Variants in NUDT21 observed in about 807,000 individuals in gnomAD.
The protein encoded by NUDT21 is cleavage and polyadenylation specificity factor subunit 5.
NUDT21 carries 5 observed loss-of-function variants against 29.8 expected under a neutral mutation model. That is an observed-to-expected ratio of 0.17 (90% CI 0.09 to 0.35). NUDT21 has a LOEUF of 0.35. NUDT21 is among the 10% of genes least tolerant of loss of function. NUDT21 has a pLI of 1.00. For missense variants in NUDT21, 76 were observed against 276.0 expected (o/e 0.28, Z 5.13); for synonymous variants, 113 against 98.5 (o/e 1.15, Z -0.87).
intron 4 of NUDT21, 162 bp downstream of exon 4, chr16:56,439,495 T>A (rs1962138070): frequency 1.5e-6 from 1 of 659,312 alleles, no homozygotes; most frequent in Non-Finnish European, 2.7e-6. Flanking sequence ...TTTTACATTT[T>A]CCTTTAAAAT....
intron 2 of NUDT21, 93 bp from the exon 3 acceptor site, chr16:56,446,782 A>C: frequency 1.3e-6 from 1 of 752,630 alleles, no homozygotes; most frequent in Non-Finnish European, 2.2e-6. Flanking sequence ...AGTCACTAAG[A>C]ACATATTTCA....
chr16:56,450,109 C>T (rs951432109), intron 1 of NUDT21, among the ~76,000 whole-genome samples: 1 of 152,148 alleles, frequency 6.6e-6, no homozygotes, highest in Non-Finnish European at 1.5e-5. Context: ...ACCTAAACTG[C>T]CTTACGAAAA....
intron 1 of NUDT21, among the ~76,000 whole-genome samples, chr16:56,449,921 T>C (rs1962265221): frequency 6.6e-6 from 1 of 152,192 alleles, no homozygotes; most frequent in Non-Finnish European, 1.5e-5. Context: ...AGAACTTTTA[T>C]ACACACAACT....
At chr16:56,438,796 A>G (rs1419822618) in intron 4 of NUDT21, among the ~76,000 whole-genome samples, 3 of 149,136 alleles carry the variant, frequency 2.0e-5, no homozygotes, top group Admixed American at 6.7e-5. Flanking sequence ...AAACACAAGG[A>G]AAAAAAAAAG....
chr16:56,434,401 A>G lies in NUDT21; in HGVS notation c.592T>C (p.Leu198=), dbSNP rs150239589. ...GGTGCATTGTCATACAATTCAAACAATGGTGCAGCTACCAGCTTGTAATTT... is the reference window on the plus strand; with the variant it reads ...GGTGCATTGTCATACAATTCAAACAGTGGTGCAGCTACCAGCTTGTAATTT... ...PKNYKLVAAP[L]FELYDNAPGY... The change falls in exon 6 of 7, where the codon TTG becomes CTG. Residue 198 remains leucine (L), a synonymous_variant. Coordinates refer to ENST00000300291, the MANE Select transcript of NUDT21 (RefSeq NM_007006.3). 276 of 1,613,814 alleles carry G rather than the reference A, an allele frequency of 1.7e-4. 2 individuals are homozygous for G. The African/African-American group carries it at 2.6e-3, about 15-fold the overall frequency.
intron 4 of NUDT21, among the ~76,000 whole-genome samples, chr16:56,435,470 T>C (rs774427316): frequency 2.0e-5 from 3 of 151,100 alleles, no homozygotes; most frequent in Middle Eastern, 3.4e-3. Context: ...CTCACGCCTG[T>C]AATCGCAGCA....
At chr16:56,446,782 A>T (rs1962224207) in intron 2 of NUDT21, 93 bp from the exon 3 acceptor site, 1 of 752,512 alleles carries the variant, frequency 1.3e-6, no homozygotes, top group African/African-American at 1.8e-5. Flanking sequence ...AGTCACTAAG[A>T]ACATATTTCA....
chr16:56,429,825 A>G lies in NUDT21; in HGVS notation c.*2887T>C, dbSNP rs1193749445. 2 of 152,230 alleles carry G rather than the reference A, an allele frequency of 1.3e-5. No individual in the cohort carries two copies. The allele number at this position is 152,230 out of a possible 1,614,324, so 9.4% of individuals were successfully genotyped here. The stretch of plus-strand genomic sequence containing the variant: ...CCAAACACTATGAACTAGTAAAAAC[A>G]TTAAGTTTGAGGATGGAAAAGCTAC... On this transcript the variant is annotated 3_prime_UTR_variant, in exon 7 of 7. Transcript: ENST00000300291.
chr16:56,442,779 G>T (rs1962174027), intron 3 of NUDT21, among the ~76,000 whole-genome samples: 1 of 152,086 alleles, frequency 6.6e-6, no homozygotes, highest in South Asian at 2.1e-4. Context: ...CTTCTAGAAT[G>T]ACCCACTAAT....
chr16:56,444,683 C>CCA (rs1386057367), intron 3 of NUDT21, among the ~76,000 whole-genome samples: 1 of 151,572 alleles, frequency 6.6e-6, no homozygotes, highest in Non-Finnish European at 1.5e-5. Flanking sequence ...GTCCAAGAGT[C>CCA]TGACTATTCA....
At position 56,434,423 on chromosome 16, in the gene NUDT21, A is replaced by G. The variant is rs1279013888; in HGVS notation, c.570T>C (p.Asn190=). The change falls in exon 6 of 7, where the codon AAT becomes AAC. Residue 190 remains asparagine (N), a synonymous_variant. Coordinates refer to ENST00000300291, the MANE Select transcript of NUDT21 (RefSeq NM_007006.3). The part of the protein sequence containing the change: ...QEKALFAVPK[N]YKLVAAPLFE... ...ACAATGGTGCAGCTACCAGCTTGTA[A>G]TTTTTAGGGACTGCAAACAAGGCTA... 3.1e-6 allele frequency: 5 copies of G among 1,611,876 alleles called. No homozygotes were observed. Among genetic ancestry groups the G allele is most frequent in the East Asian group, 4.5e-5 (2 of 44,816 alleles).
intron 3 of NUDT21, chr16:56,446,376 G>A: frequency 2.6e-6 from 1 of 381,058 alleles, no homozygotes; most frequent in Non-Finnish European, 4.7e-6. Flanking sequence ...ACTCAGAACA[G>A]TGTCTAGCAC....
intron 3 of NUDT21, among the ~76,000 whole-genome samples, chr16:56,440,595 T>C (rs559513159): frequency 6.6e-6 from 1 of 152,318 alleles, no homozygotes; most frequent in South Asian, 2.1e-4. Flanking sequence ...ATTGAAGTTA[T>C]GAGCTTTTGG....
At chr16:56,439,528 G>A (rs1962138351) in intron 4 of NUDT21, 129 bp downstream of exon 4, 3 of 725,656 alleles carry the variant, frequency 4.1e-6, no homozygotes, top group African/African-American at 3.5e-5. Context: ...GCTTAATTTT[G>A]TAATTTAAAT....
intron 4 of NUDT21, among the ~76,000 whole-genome samples, chr16:56,437,382 C>T (rs1196124304): frequency 6.6e-6 from 1 of 152,198 alleles, no homozygotes; most frequent in Non-Finnish European, 1.5e-5. Context: ...AACATCATCA[C>T]TCATTATCAT....
At position 56,431,550 on chromosome 16, in the gene NUDT21, C is replaced by A. The variant is rs1962033660; in HGVS notation, c.*1162G>T. ...CAAAAGTTCATTTCTATTAAAAACC[C>A]TTTTTTCCTTAAGTAGCTACATCTG... On this transcript the variant is annotated 3_prime_UTR_variant, in exon 7 of 7. Coordinates refer to ENST00000300291, the MANE Select transcript of NUDT21 (RefSeq NM_007006.3). The A allele has an allele frequency of 6.6e-6, 1 of 152,134 alleles. No individual in the cohort carries two copies. Among genetic ancestry groups the A allele is most frequent in the Admixed American group, 6.5e-5 (1 of 15,270 alleles). The allele number at this position is 152,134 out of a possible 1,614,324, so 9.4% of individuals were successfully genotyped here. A position where few individuals can be genotyped will look rare whatever the true frequency, so the allele number is the denominator to read the frequency against.
chr16:56,447,627 C>T (rs1315243207), intron 2 of NUDT21, 162 bp downstream of exon 2: 6 of 627,934 alleles, frequency 9.6e-6, no homozygotes, highest in African/African-American at 3.7e-5. Context: ...TAAATGAGCA[C>T]TGCAATGGAG....
intron 2 of NUDT21, 95 bp downstream of exon 2, chr16:56,447,694 A>C: frequency 9.2e-7 from 1 of 1,088,722 alleles, no homozygotes; most frequent in East Asian, 2.4e-5. Context: ...GTGTTTGTTG[A>C]AATGAATGAC....
chr16:56,439,776 CTAAA>C (rs772844981), intron 3 of NUDT21, 30 bp from the exon 4 acceptor site: 28 of 1,530,374 alleles, frequency 1.8e-5, no homozygotes, highest in Non-Finnish European at 2.4e-5. Flanking sequence ...CAGTAAACAA[CTAAA>C]TATATGTACT....
Sources: allele counts gnomAD v4.1 joint callset (sites outside exome capture counted in the v4.1 genomes callset), GRCh38; gene constraint gnomAD v4.1.1; transcripts MANE v1.5; gene names NCBI Gene and HGNC (gene_info 2026-07-23, HGNC 2026-07-21).